Variants in CDC42BPG observed in about 807,000 individuals in gnomAD.
CDC42BPG encodes serine/threonine-protein kinase MRCK gamma.
A neutral mutation model predicts 192.2 loss-of-function variants in CDC42BPG; 157 were observed. That is an observed-to-expected ratio of 0.82 (90% confidence interval 0.72 to 0.93). The LOEUF is 0.93. Among genes scored for constraint, CDC42BPG ranks in the 40% least tolerant of loss-of-function variants. The pLI, the probability that CDC42BPG is intolerant of heterozygous loss-of-function variation, is 0.00. For synonymous variants in CDC42BPG, 981 were observed against 918.5 expected (o/e 1.07, Z -1.23); for missense variants, 1,992 against 2,122.1 (o/e 0.94, Z 1.20).
intron 32 of CDC42BPG, 38 bp downstream of exon 32, chr11:64,827,489 T>C: frequency 1.2e-6 from 2 of 1,603,802 alleles, no homozygotes; most frequent in Non-Finnish European, 1.7e-6. Context: ...ACGTGCGCAC[T>C]GGGGAACGCA....
At chr11:64,834,118 G>A (rs1942850825) in intron 20 of CDC42BPG, 141 bp from the exon 21 acceptor site, 2 of 1,408,808 alleles carry the variant, frequency 1.4e-6, no homozygotes, top group Non-Finnish European at 2.0e-6. Context: ...CACTCCAGAA[G>A]TGCTGGTCAC....
At position 64,835,762 on chromosome 11, in the gene CDC42BPG, C is replaced by T. The variant is rs1410122096; in HGVS notation, c.1758G>A (p.Lys586=). 6.2e-7 allele frequency: 1 copy of T among 1,613,530 alleles called. No individual in the cohort carries two copies. The change falls in exon 14 of 37, where the codon AAG becomes AAA. Residue 586 remains lysine, a splice_region_variant and synonymous_variant. Transcript: ENST00000342711. ...EQRLEESSQA[K]TIHTASETNG... ...TTGCCAAGGGGGAGGACTTGACTAC[C>T]TTGGCCTGGGACGACTCCTCAAGGC...
intron 36 of CDC42BPG, among the ~76,000 whole-genome samples, chr11:64,825,186 C>T (rs527573700): frequency 1.3e-5 from 2 of 152,076 alleles, no homozygotes; most frequent in Non-Finnish European, 2.9e-5. Context: ...CAAAGTGCTG[C>T]GATTACAGGG....
chr11:64,841,476 A>G (rs1592725730), intron 3 of CDC42BPG, among the ~76,000 whole-genome samples, 174 bp downstream of exon 3: 1 of 152,118 alleles, frequency 6.6e-6, no homozygotes, highest in Admixed American at 6.6e-5. Flanking sequence ...AATTTAAAAA[A>G]TTAAATAAAG....
Position 64,833,391 on chromosome 11 carries a change from C to T in CDC42BPG, c.2626-55G>A, listed in dbSNP as rs563320870. 337 of 1,077,222 alleles carry T rather than the reference C, an allele frequency of 3.1e-4. No individual in the cohort carries two copies. Among genetic ancestry groups the T allele is most frequent in the Admixed American group, 1.3e-3 (53 of 41,500 alleles). 66.7% of individuals were successfully genotyped at this position (1,077,222 alleles called of 1,614,324 possible). A position where few individuals can be genotyped will look rare whatever the true frequency, so the allele number is the denominator to read the frequency against. ...CCTCCCAGGGCCCCATGCCCCATCC[C>T]TGAGGGGTCAGGAAAGACAAGGGGC... On this transcript the variant is annotated intron_variant, in intron 23 of 36. Transcript: ENST00000342711.
rs1292825219 is a variant in CDC42BPG, at chr11:64,827,412, G to A, written c.4151-14C>T. On this transcript the variant is annotated splice_polypyrimidine_tract_variant and intron_variant, in intron 32 of 36. Coordinates refer to ENST00000342711, the MANE Select transcript of CDC42BPG (RefSeq NM_017525.3). ...ACTCGTCCTTCTCTGTGGGAGAAGT[G>A]GAGAGCTGGGCTGTGCTCACACATT... 1.2e-6 allele frequency: 2 copies of A among 1,612,822 alleles called. No homozygotes were observed. Among genetic ancestry groups the A allele is most frequent in the Non-Finnish European group, 8.5e-7 (1 of 1,178,878 alleles).
At chr11:64,837,850 A>G in intron 9 of CDC42BPG, among the ~76,000 whole-genome samples, 1 of 152,150 alleles carries the variant, frequency 6.6e-6, no homozygotes, top group East Asian at 1.9e-4. Flanking sequence ...GGTGCAGCGC[A>G]CCCTCGACCT....
At chr11:64,842,030 C>T (rs1943304209) in intron 1 of CDC42BPG, 126 bp from the exon 2 acceptor site, 2 of 732,028 alleles carry the variant, frequency 2.7e-6, no homozygotes, top group Non-Finnish European at 4.7e-6. Context: ...CAGGGACAGC[C>T]TCGGGCCAAG....
chr11:64,841,607 C>A (rs767006477), intron 3 of CDC42BPG, 43 bp downstream of exon 3: 1 of 1,559,272 alleles, frequency 6.4e-7, no homozygotes, highest in South Asian at 1.1e-5. Context: ...TCCCCCACAC[C>A]CATTTGTAGG....
At chr11:64,826,025 C>T (rs1405680069) in intron 36 of CDC42BPG, among the ~76,000 whole-genome samples, 1 of 144,932 alleles carries the variant, frequency 6.9e-6, no homozygotes, top group Non-Finnish European at 1.5e-5. Context: ...CGAGATTGTG[C>T]CACTGCACTC....
At position 64,844,414 on chromosome 11, in the gene CDC42BPG, G is replaced by A; in HGVS notation, c.156C>T (p.Ser52=). The A allele has an allele frequency of 1.4e-6, 2 of 1,466,396 alleles. No individual in the cohort carries two copies. The highest frequency in any genetic ancestry group is 1.8e-6 in the Non-Finnish European group (2 of 1,115,266). The allele number at this position is 1,466,396 out of a possible 1,614,324, so 90.8% of individuals were successfully genotyped here. ...CCGTGCCGCCCCGCCACTCACCCCAGCTCAGGAACTGCGCCACGCTGCGCT... is the reference window on the plus strand; with the variant it reads ...CCGTGCCGCCCCGCCACTCACCCCAACTCAGGAACTGCGCCACGCTGCGCT... ...RRERSVAQFL[S]WASPFVSKVK... Residue 52 remains serine (S), a synonymous_variant, in exon 1 of 37, where the codon AGC becomes AGT. Transcript: ENST00000342711.
At chr11:64,831,448 G>A (rs1942681547) in intron 28 of CDC42BPG, 57 bp downstream of exon 28, 2 of 1,498,464 alleles carry the variant, frequency 1.3e-6, no homozygotes, top group African/African-American at 2.7e-5. Flanking sequence ...ACTATTCCTA[G>A]ACACCAGCAC....
chr11:64,832,607 A>AG lies in CDC42BPG; in HGVS notation c.3001dup (p.Leu1001ProfsTer15). On this transcript the variant is annotated frameshift_variant, in exon 26 of 37. Coordinates refer to ENST00000342711, the MANE Select transcript of CDC42BPG (RefSeq NM_017525.3). LOFTEE classifies it high-confidence loss of function. ...CATGCCACTGCCCGGCACCTACCTCAGATCTAGGACCTGCAGGAGGGCCCC... is the reference window on the plus strand; with the variant it reads ...CATGCCACTGCCCGGCACCTACCTCAGGATCTAGGACCTGCAGGAGGGCCCC... The AG allele has an allele frequency of 6.2e-7, 1 of 1,613,950 alleles. No homozygotes were observed. The highest frequency in any genetic ancestry group is 1.7e-5 in the Admixed American group (1 of 60,024).
intron 5 of CDC42BPG, 138 bp from the exon 6 acceptor site, chr11:64,839,709 G>GAT: frequency 1.5e-6 from 1 of 663,316 alleles, no homozygotes; most frequent in Non-Finnish European, 2.6e-6. Context: ...CTCATGTGAT[G>GAT]AGCAACGTGT....
At chr11:64,836,317 G>T in intron 12 of CDC42BPG, 21 bp from the exon 13 acceptor site, 1 of 1,608,422 alleles carries the variant, frequency 6.2e-7, no homozygotes, top group Non-Finnish European at 8.5e-7. Flanking sequence ...AGGGGAGGGA[G>T]CGGGGAAGGA....
chr11:64,830,577 G>T (rs1942638710), intron 28 of CDC42BPG: 4 of 456,190 alleles, frequency 8.8e-6, no homozygotes, highest in Non-Finnish European at 1.6e-5. Flanking sequence ...AGTGATGCAG[G>T]GGAGGGTTCA....
At position 64,836,519 on chromosome 11, in the gene CDC42BPG, C is replaced by T. The variant is rs1193187003; in HGVS notation, c.1396G>A (p.Asp466Asn). Residue 466 changes from aspartate to asparagine, a missense_variant, in exon 12 of 37, where the codon GAC becomes AAC. This residue lies in a region of CDC42BPG where 1,656 missense variants were observed against 1,844.3 expected (regional missense o/e 0.90). Transcript: ENST00000342711. ...LRDRLPEMLR[D>N]KASLSQTDGP... ...TCCGTCTGGGACAATGAGGCCTTGTCCCTCAGCATCTCTGCCAGGAAGAGT... is the reference window on the plus strand; with the variant it reads ...TCCGTCTGGGACAATGAGGCCTTGTTCCTCAGCATCTCTGCCAGGAAGAGT... 2 of 1,613,140 alleles carry T rather than the reference C, an allele frequency of 1.2e-6. No individual in the cohort carries two copies. The highest frequency in any genetic ancestry group is 1.7e-6 in the Non-Finnish European group (2 of 1,179,892).
chr11:64,827,566 C>T lies in CDC42BPG; in HGVS notation c.4111G>A (p.Glu1371Lys), dbSNP rs1036772768. 6.8e-6 allele frequency: 11 copies of T among 1,612,684 alleles called. No individual in the cohort carries two copies. Among genetic ancestry groups the T allele is most frequent in the Non-Finnish European group, 8.5e-6 (10 of 1,179,242 alleles). The change falls in exon 32 of 37, where the codon GAG becomes AAG. Residue 1371 changes from glutamate to lysine, a missense_variant. This residue lies in a region of CDC42BPG where 336 missense variants were observed against 277.9 expected (regional missense o/e 1.21). Coordinates refer to ENST00000342711, the MANE Select transcript of CDC42BPG (RefSeq NM_017525.3). ...PEGSLFLYGT[E>K]KVRLTYLRNQ... is the part of the protein sequence containing the mutation. The stretch of plus-strand genomic sequence containing the variant: ...CTGAGGTAGGTCAGGCGGACCTTCT[C>T]GGTGCCGTAGAGGAACAGGGAGCCC...
chr11:64,833,440 G>T (rs969865697), intron 23 of CDC42BPG, 104 bp from the exon 24 acceptor site: 2 of 951,410 alleles, frequency 2.1e-6, no homozygotes, highest in Non-Finnish European at 3.1e-6. Flanking sequence ...AGTGACCTCC[G>T]AGTCCCAGCC....
Sources: gnomAD v4.1 joint callset for allele counts (sites outside exome capture counted in the v4.1 genomes callset) on GRCh38, gnomAD v4.1.1 for gene constraint, gnomAD v4.1.1 regional missense constraint, MANE v1.5 for transcripts, NCBI Gene and HGNC (gene_info 2026-07-23, HGNC 2026-07-21) for gene names.